The following ARHGAP24 variants were observed in gnomAD, a reference collection of about 807,000 sequenced individuals.
ARHGAP24 encodes the protein rho GTPase-activating protein 24.
Under a neutral mutation model 76.4 loss-of-function variants are expected in ARHGAP24, and 50 were observed. That is an observed-to-expected ratio of 0.65 (90% confidence interval 0.52 to 0.83). The LOEUF (loss-of-function observed/expected upper bound fraction) is 0.83. Among genes scored for constraint, ARHGAP24 ranks in the 40% least tolerant of loss-of-function variants. The pLI is 0.00. For synonymous variants in ARHGAP24, 345 were observed against 323.3 expected (o/e 1.07, Z -0.72); for missense variants, 930 against 914.2 (o/e 1.02, Z -0.22).
In ARHGAP24 at chr4:85,846,052, C is replaced by CCCA. The variant is rs1578290719; in HGVS notation, c.269-77589_269-77587dup. On this transcript the variant is annotated intron_variant, in intron 3 of 9. Coordinates refer to ENST00000395184, the MANE Select transcript of ARHGAP24 (RefSeq NM_001025616.3). ...TCTCAAGTAGCTGGGATTACAGGCACCCACCACCAAACCTGACTAATTTTT... is the reference window on the plus strand; with the variant it reads ...TCTCAAGTAGCTGGGATTACAGGCACCCACCACCACCAAACCTGACTAATTTTT... 2.6e-5 allele frequency among the ~76,000 whole-genome samples: 4 copies of CCCA among 152,026 alleles called. No homozygotes were observed. In the East Asian group the frequency reaches 7.8e-4, roughly 30 times the overall value.
At chr4:85,502,950 G>A (rs1560511241) in intron 1 of ARHGAP24, among the ~76,000 whole-genome samples, 1 of 152,146 alleles carries the variant, frequency 6.6e-6, no homozygotes, top group Non-Finnish European at 1.5e-5. Context: ...TTTGTTGAAG[G>A]CCTTTTCTAC....
chr4:85,964,291 G>GAA (rs202239216), intron 5 of ARHGAP24, among the ~76,000 whole-genome samples: 1 of 150,568 alleles, frequency 6.6e-6, no homozygotes, highest in Non-Finnish European at 1.5e-5. Flanking sequence ...CATCCACTGT[G>GAA]AAAAAAAAAT....
chr4:85,902,133 T>C (rs1417391008), intron 3 of ARHGAP24, among the ~76,000 whole-genome samples: 1 of 152,184 alleles, frequency 6.6e-6, no homozygotes, highest in Non-Finnish European at 1.5e-5. Flanking sequence ...GCTTCATCCA[T>C]ATCCCTGCAA....
At chr4:85,974,322 A>G (rs565382984) in intron 6 of ARHGAP24, among the ~76,000 whole-genome samples, 3 of 152,338 alleles carry the variant, frequency 2.0e-5, no homozygotes, top group African/African-American at 7.2e-5. Context: ...GCAGAAGAAG[A>G]AAGCAAATTA....
rs551782903 is a variant in ARHGAP24 at position 85,520,269 on chromosome 4, C to T, written c.-21+44710C>T. On this transcript the variant is annotated intron_variant, in intron 1 of 9. Transcript: ENST00000395184. ...CAAATGGCCCATAAATCCAAGTGCC[C>T]AGGTGTGGAGGAGAGCTGCAGGTAA... Among the ~76,000 whole-genome samples, 14 of 152,088 alleles carry T rather than the reference C, an allele frequency of 9.2e-5. No individual in the cohort carries two copies. The South Asian group carries it at 2.9e-3, about 32-fold the overall frequency.
intron 4 of ARHGAP24, among the ~76,000 whole-genome samples, chr4:85,931,427 C>T (rs958266922): frequency 1.3e-5 from 2 of 152,172 alleles, no homozygotes; most frequent in African/African-American, 4.8e-5. Flanking sequence ...AATCCCTGTG[C>T]TGTGTTCCCG....
intron 1 of ARHGAP24, among the ~76,000 whole-genome samples, chr4:85,536,985 T>C (rs1341887775): frequency 6.6e-6 from 1 of 152,172 alleles, no homozygotes; most frequent in East Asian, 1.9e-4. Context: ...GACCTTGGTA[T>C]TCTAAGCACA....
chr4:85,969,431 TTATACA>T (rs1738828989), intron 5 of ARHGAP24, among the ~76,000 whole-genome samples: 2 of 152,046 alleles, frequency 1.3e-5, no homozygotes, highest in South Asian at 4.1e-4. Flanking sequence ...GTCATGCAAA[TTATACA>T]TAACATACTC....
intron 2 of ARHGAP24, among the ~76,000 whole-genome samples, chr4:85,574,255 T>A (rs1468566045): frequency 6.6e-6 from 1 of 152,194 alleles, no homozygotes; most frequent in Non-Finnish European, 1.5e-5. Context: ...TCATTATCCT[T>A]ATTATGAAAA....
intron 2 of ARHGAP24, among the ~76,000 whole-genome samples, chr4:85,579,659 A>G (rs1341056879): frequency 1.3e-5 from 2 of 152,044 alleles, no homozygotes; most frequent in Non-Finnish European, 2.9e-5. Context: ...GAGTGTTTTG[A>G]TCACTTTTTA....
At chr4:85,522,187 GA>G (rs1724802512) in intron 1 of ARHGAP24, among the ~76,000 whole-genome samples, 1 of 151,988 alleles carries the variant, frequency 6.6e-6, no homozygotes, top group Non-Finnish European at 1.5e-5. Flanking sequence ...GATAAGCCTG[GA>G]AAATAAAATA....
intron 2 of ARHGAP24, among the ~76,000 whole-genome samples, chr4:85,690,547 G>C (rs1222857145): frequency 2.0e-5 from 3 of 152,122 alleles, no homozygotes; most frequent in Non-Finnish European, 2.9e-5. Flanking sequence ...TTGGAAGATT[G>C]TGTGTTTCCA....
At chr4:85,746,430 A>C (rs1419028476) in intron 3 of ARHGAP24, among the ~76,000 whole-genome samples, 1 of 152,196 alleles carries the variant, frequency 6.6e-6, no homozygotes, top group Non-Finnish European at 1.5e-5. Context: ...AACCAACTCC[A>C]AAATACTTAA....
At chr4:85,758,807 C>A (rs1332599318) in intron 3 of ARHGAP24, among the ~76,000 whole-genome samples, 1 of 152,104 alleles carries the variant, frequency 6.6e-6, no homozygotes, top group Non-Finnish European at 1.5e-5. Context: ...ATATCAAAGT[C>A]TTTGGAAGAG....
intron 2 of ARHGAP24, among the ~76,000 whole-genome samples, chr4:85,691,056 T>C (rs1356828376): frequency 3.3e-5 from 5 of 152,156 alleles, no homozygotes; most frequent in Admixed American, 2.0e-4. Context: ...TCTATTTTCA[T>C]TAGCTTCAAA....
intron 2 of ARHGAP24, among the ~76,000 whole-genome samples, chr4:85,673,680 A>C (rs915223160): frequency 6.9e-6 from 1 of 144,848 alleles, no homozygotes; most frequent in Non-Finnish European, 1.5e-5. Flanking sequence ...AGATCTCCCC[A>C]CTGGTAAAGT....
At chr4:85,799,393 G>A (rs554717926) in intron 3 of ARHGAP24, among the ~76,000 whole-genome samples, 8 of 152,170 alleles carry the variant, frequency 5.3e-5, no homozygotes, top group African/African-American at 1.4e-4. Flanking sequence ...TGTTCAAAGT[G>A]GGAATAATTT....
intron 2 of ARHGAP24, among the ~76,000 whole-genome samples, chr4:85,669,527 T>A (rs976499211): frequency 6.6e-6 from 1 of 151,576 alleles, no homozygotes; most frequent in Non-Finnish European, 1.5e-5. Flanking sequence ...AAGGTACGTA[T>A]GTTTGTATGT....
intron 3 of ARHGAP24, among the ~76,000 whole-genome samples, chr4:85,782,541 C>T (rs1167649127): frequency 1.3e-5 from 2 of 152,076 alleles, no homozygotes; most frequent in Non-Finnish European, 2.9e-5. Context: ...AGAATTCAGC[C>T]CCTTATAAAC....
Sources: allele counts gnomAD v4.1 joint callset (sites outside exome capture counted in the v4.1 genomes callset), GRCh38; gene constraint gnomAD v4.1.1; transcripts MANE v1.5; gene names NCBI Gene and HGNC (gene_info 2026-07-23, HGNC 2026-07-21).